AGMO: variants seen among roughly 807,000 people sequenced by gnomAD.
The protein encoded by AGMO is glyceryl-ether monooxygenase.
Under a neutral mutation model 60.2 loss-of-function variants are expected in AGMO, and 75 were observed. The observed-to-expected ratio is 1.25, with a 90% CI of 1.03 to 1.51. AGMO has a LOEUF of 1.51. AGMO is among the 40% of genes most tolerant of loss of function. The pLI is 0.00. For synonymous variants in AGMO, 261 were observed against 177.1 expected (o/e 1.47, Z -3.76); for missense variants, 763 against 525.5 (o/e 1.45, Z -4.42).
chr7:15,503,781 C>T (rs1442379565), intron 3 of AGMO, among the ~76,000 whole-genome samples: 1 of 151,956 alleles, frequency 6.6e-6, no homozygotes, highest in Non-Finnish European at 1.5e-5. Flanking sequence ...TGAGTCAGGG[C>T]ATGCAAGGAA....
At chr7:15,246,361 T>C (rs1249370813) in intron 12 of AGMO, among the ~76,000 whole-genome samples, 2 of 152,138 alleles carry the variant, frequency 1.3e-5, no homozygotes, top group Non-Finnish European at 2.9e-5. Context: ...ATGTTTTATA[T>C]ATTGACATTT....
At chr7:15,170,564 T>A in the AGMO span, among the ~76,000 whole-genome samples, 1 of 152,180 alleles carries the variant, frequency 6.6e-6, no homozygotes. Context: ...TATTTTTTTA[T>A]TTTTAAAATT....
the AGMO span, among the ~76,000 whole-genome samples, chr7:15,191,136 T>C: frequency 2.6e-5 from 4 of 152,180 alleles, no homozygotes; most frequent in African/African-American, 9.6e-5. Context: ...GGAATTTCCA[T>C]GGAAATATTA....
At chr7:15,126,280 T>C in the AGMO span, among the ~76,000 whole-genome samples, 1 of 152,222 alleles carries the variant, frequency 6.6e-6, no homozygotes, top group African/African-American at 2.4e-5. Context: ...ATTTTAAATA[T>C]AAATGAGGTG....
chr7:15,491,436 T>C lies in AGMO; in HGVS notation c.409+53336A>G, dbSNP rs374439481. 2.0e-5 allele frequency among the ~76,000 whole-genome samples: 3 copies of C among 152,288 alleles called. No individual in the cohort carries two copies. In the East Asian group the frequency reaches 5.8e-4, roughly 29 times the overall value. On this transcript the variant is annotated intron_variant, in intron 3 of 12. Coordinates refer to ENST00000342526, the MANE Select transcript of AGMO (RefSeq NM_001004320.2). ...TCCATTAGTTGAGATTGGAAATAAG[T>C]AAGTACACTGAAATTTCTGTTATTA...
rs1220744654 is a variant in AGMO, at chr7:15,354,459, C to G, written c.1263+11055G>C. ...GTGTATACACACGTGTGTGTATACA[C>G]ACGTGTGTGTATACACACGTGTGTA... On this transcript the variant is annotated intron_variant, in intron 12 of 12. Coordinates refer to ENST00000342526, the MANE Select transcript of AGMO (RefSeq NM_001004320.2). Among the ~76,000 whole-genome samples, 111 of 16,858 alleles carry G rather than the reference C, an allele frequency of 6.6e-3. 16 individuals are homozygous for G. The highest frequency in any genetic ancestry group is 0.033 in the African/African-American group (91 of 2,746). 11.1% of individuals were successfully genotyped at this position (16,858 alleles called of 152,430 possible). A position where few individuals can be genotyped will look rare whatever the true frequency, so the allele number is the denominator to read the frequency against.
At chr7:15,284,235 G>A (rs1018949464) in intron 12 of AGMO, among the ~76,000 whole-genome samples, 16 of 151,812 alleles carry the variant, frequency 1.1e-4, no homozygotes, top group African/African-American at 3.9e-4. Context: ...AAAGATCAAA[G>A]CAGAACAAAA....
chr7:15,198,253 GAGAC>G (rs1391521050), downstream of AGMO, among the ~76,000 whole-genome samples: 282 of 63,382 alleles, frequency 4.4e-3, 5 homozygotes, highest in Middle Eastern at 0.013. Flanking sequence ...GAGAGAGAGA[GAGAC>G]AGAGACAGAG....
intron 12 of AGMO, among the ~76,000 whole-genome samples, chr7:15,343,380 C>G (rs1261789467): frequency 1.3e-5 from 2 of 151,874 alleles, no homozygotes; most frequent in East Asian, 1.9e-4. Flanking sequence ...ATTTTTTATC[C>G]CACTACCAAG....
intron 12 of AGMO, among the ~76,000 whole-genome samples, chr7:15,209,660 C>G (rs1314446948): frequency 4.6e-5 from 7 of 152,104 alleles, no homozygotes; most frequent in African/African-American, 1.4e-4. Context: ...GGTTTCTCGC[C>G]TAAGTCTCAA....
chr7:15,335,255 T>C (rs1341141471), intron 12 of AGMO, among the ~76,000 whole-genome samples: 1 of 152,126 alleles, frequency 6.6e-6, no homozygotes, highest in African/African-American at 2.4e-5. Context: ...ATTTAGCTAT[T>C]GTTAATGAAT....
chr7:15,376,385 C>CACA (rs1783451959), intron 10 of AGMO, among the ~76,000 whole-genome samples: 1 of 151,606 alleles, frequency 6.6e-6, no homozygotes, highest in African/African-American at 2.4e-5. Flanking sequence ...GATTTTTTTA[C>CACA]AGGTTTTTTT....
intron 12 of AGMO, among the ~76,000 whole-genome samples, chr7:15,285,069 G>C (rs112820734): frequency 0.034 from 5,124 of 150,554 alleles, 312 homozygotes; most frequent in African/African-American, 0.12. Context: ...GCCATAGTAG[G>C]GGCATACCTC....
At chr7:15,307,894 C>T (rs764694816) in intron 12 of AGMO, among the ~76,000 whole-genome samples, 1 of 152,092 alleles carries the variant, frequency 6.6e-6, no homozygotes, top group Non-Finnish European at 1.5e-5. Flanking sequence ...TCTGAGCAAT[C>T]AGTAAACAAG....
intron 12 of AGMO, among the ~76,000 whole-genome samples, chr7:15,248,145 A>T (rs1583326075): frequency 7.6e-6 from 1 of 132,206 alleles, no homozygotes; most frequent in South Asian, 2.5e-4. Flanking sequence ...TAAACATGTC[A>T]TAAAGAAGTG....
intron 12 of AGMO, among the ~76,000 whole-genome samples, chr7:15,229,426 A>C (rs368565605): frequency 2.0e-5 from 3 of 151,218 alleles, no homozygotes; most frequent in South Asian, 4.2e-4. Context: ...AGCTATCCTC[A>C]CAAGGTGGGG....
chr7:15,304,509 T>C (rs918174503), intron 12 of AGMO, among the ~76,000 whole-genome samples: 5 of 152,106 alleles, frequency 3.3e-5, no homozygotes, highest in African/African-American at 1.2e-4. Context: ...TTAGGGTTTG[T>C]TACATCAGTT....
chr7:15,255,534 C>CAAAAAAAAAA (rs60035165), intron 12 of AGMO, among the ~76,000 whole-genome samples: 29 of 115,554 alleles, frequency 2.5e-4, no homozygotes, highest in African/African-American at 4.5e-4. Flanking sequence ...TGTAAGAATA[C>CAAAAAAAAAA]AAAAAAAAAA....
chr7:15,391,440 AT>A (rs1193907256), intron 6 of AGMO, among the ~76,000 whole-genome samples: 3 of 152,094 alleles, frequency 2.0e-5, no homozygotes, highest in Non-Finnish European at 4.4e-5. Flanking sequence ...TATCATATGT[AT>A]TTTTCCTGCC....
Sources: gnomAD v4.1 joint callset for allele counts (sites outside exome capture counted in the v4.1 genomes callset) on GRCh38, gnomAD v4.1.1 for gene constraint, MANE v1.5 for transcripts, NCBI Gene and HGNC (gene_info 2026-07-23, HGNC 2026-07-21) for gene names.